The following UMAD1 variants were observed in gnomAD, a reference collection of about 807,000 sequenced individuals.
UMAD1 encodes the protein UBAP1-MVB12-associated (UMA) domain containing 1, also known as UBAP1-MVB12-associated (UMA)-domain containing protein 1.
In UMAD1, 8 loss-of-function variants were observed where a neutral mutation model predicts 6.1. That is an observed-to-expected ratio of 1.30 (90% CI 0.76 to 2.35). UMAD1 has a LOEUF of 2.35. UMAD1 is among the 30% of genes most tolerant of loss of function. The probability of loss-of-function intolerance (pLI) is 0.00; values close to 1 mark genes in which losing one functional copy is unlikely to be tolerated. For synonymous variants in UMAD1, 56 were observed against 31.4 expected (o/e 1.78, Z -2.61); for missense variants, 130 against 78.4 (o/e 1.66, Z -2.49).
intron 2 of UMAD1, among the ~76,000 whole-genome samples, chr7:7,798,757 G>T (rs1782738174): frequency 6.6e-6 from 1 of 152,130 alleles, no homozygotes; most frequent in Admixed American, 6.5e-5. Context: ...TCAAGAGACT[G>T]GGTTCTGCTC....
chr7:7,746,916 T>C (rs190869944), intron 2 of UMAD1, among the ~76,000 whole-genome samples: 15 of 152,160 alleles, frequency 9.9e-5, no homozygotes, highest in Non-Finnish European at 1.3e-4. Context: ...TAAGAGATTT[T>C]AAAAAAATGT....
chr7:7,829,258 G>A (rs1783413574), intron 3 of UMAD1, among the ~76,000 whole-genome samples: 1 of 151,952 alleles, frequency 6.6e-6, no homozygotes, highest in Non-Finnish European at 1.5e-5. Context: ...TGAATGAGCA[G>A]CAGCAATCAC....
intron 3 of UMAD1, among the ~76,000 whole-genome samples, chr7:7,803,500 T>C (rs1194112248): frequency 6.6e-6 from 1 of 152,220 alleles, no homozygotes. Context: ...GTTTGGGATT[T>C]GGGAGATAAC....
At chr7:7,803,394 G>C (rs1782840494) in intron 3 of UMAD1, among the ~76,000 whole-genome samples, 1 of 152,190 alleles carries the variant, frequency 6.6e-6, no homozygotes, top group African/African-American at 2.4e-5. Context: ...AGAATTGCTT[G>C]AGCCCGGGAA....
chr7:7,674,344 A>G (rs1779686113), intron 2 of UMAD1, among the ~76,000 whole-genome samples: 1 of 152,152 alleles, frequency 6.6e-6, no homozygotes, highest in Admixed American at 6.5e-5. Flanking sequence ...AATGCTCTGT[A>G]GGCTTTGAGA....
At position 7,826,073 on chromosome 7, in the gene UMAD1, T is replaced by G. The variant is rs550887717; in HGVS notation, c.156+24330T>G. 2.0e-5 allele frequency among the ~76,000 whole-genome samples: 3 copies of G among 152,294 alleles called. No homozygotes were observed. The South Asian group carries it at 6.2e-4, about 32-fold the overall frequency. ...TTGTATTGGTTTTTTTCTAATAATTTTGATCAGTAGTTGGTTGAATCCATG... is the reference window on the plus strand; with the variant it reads ...TTGTATTGGTTTTTTTCTAATAATTGTGATCAGTAGTTGGTTGAATCCATG... On this transcript the variant is annotated intron_variant, in intron 3 of 3. Coordinates refer to ENST00000682710, the MANE Select transcript of UMAD1 (RefSeq NM_001302348.2).
intron 2 of UMAD1, among the ~76,000 whole-genome samples, chr7:7,761,466 G>C (rs1203912564): frequency 6.6e-6 from 1 of 151,960 alleles, no homozygotes; most frequent in Non-Finnish European, 1.5e-5. Context: ...CCATCTGCTG[G>C]AAAATTATTA....
At chr7:7,759,010 T>A (rs1257307773) in intron 2 of UMAD1, among the ~76,000 whole-genome samples, 1 of 152,240 alleles carries the variant, frequency 6.6e-6, no homozygotes, top group Non-Finnish European at 1.5e-5. Flanking sequence ...TTTTTCATCA[T>A]AAGATTGAAC....
chr7:7,856,268 G>A (rs115413060), intron 3 of UMAD1, among the ~76,000 whole-genome samples: 52 of 152,298 alleles, frequency 3.4e-4, no homozygotes, highest in African/African-American at 1.1e-3. Flanking sequence ...CCGAGACTGC[G>A]TAATTAATAA....
intron 2 of UMAD1, among the ~76,000 whole-genome samples, chr7:7,793,649 C>G (rs1782613499): frequency 6.6e-6 from 1 of 152,150 alleles, no homozygotes; most frequent in Admixed American, 6.5e-5. Context: ...CAGTCACATA[C>G]TGCTAGTCTG....
intron 1 of UMAD1, among the ~76,000 whole-genome samples, chr7:7,668,816 A>G (rs941552818): frequency 6.6e-6 from 1 of 152,242 alleles, no homozygotes; most frequent in African/African-American, 2.4e-5. Flanking sequence ...GTTAAGTGCT[A>G]CAGCTGGCCA....
intron 2 of UMAD1, among the ~76,000 whole-genome samples, chr7:7,761,618 G>T (rs1781892298): frequency 6.6e-6 from 1 of 152,190 alleles, no homozygotes; most frequent in East Asian, 1.9e-4. Context: ...AGTTTGGATG[G>T]TAGGGAGGTT....
At chr7:7,819,158 T>G (rs1783193733) in intron 3 of UMAD1, among the ~76,000 whole-genome samples, 1 of 152,168 alleles carries the variant, frequency 6.6e-6, no homozygotes, top group Admixed American at 6.5e-5. Flanking sequence ...CCCTCTCCTC[T>G]TATTTTTAAG....
At chr7:7,647,799 C>A (rs1456939720) in intron 1 of UMAD1, among the ~76,000 whole-genome samples, 1 of 151,234 alleles carries the variant, frequency 6.6e-6, no homozygotes, top group Middle Eastern at 3.2e-3. Context: ...GAGACGGGTT[C>A]TTTCTTTGTT....
chr7:7,694,504 A>G (rs1780259723), intron 2 of UMAD1, among the ~76,000 whole-genome samples: 1 of 152,050 alleles, frequency 6.6e-6, no homozygotes, highest in Non-Finnish European at 1.5e-5. Flanking sequence ...TTTTGTACCC[A>G]TTAACCATCT....
At chr7:7,642,574 A>G (rs1232644926) in intron 1 of UMAD1, among the ~76,000 whole-genome samples, 1 of 152,042 alleles carries the variant, frequency 6.6e-6, no homozygotes, top group Non-Finnish European at 1.5e-5. Flanking sequence ...CTTTTAAAAC[A>G]GGGAGATGAG....
intron 2 of UMAD1, among the ~76,000 whole-genome samples, chr7:7,743,577 T>C (rs904175766): frequency 2.0e-5 from 3 of 152,064 alleles, no homozygotes; most frequent in African/African-American, 7.2e-5. Context: ...TTTGGACTTA[T>C]AACACGTTTT....
At chr7:7,687,267 A>G (rs534110627) in intron 2 of UMAD1, 1 of 152,212 alleles carries the variant, frequency 6.6e-6, no homozygotes. Context: ...AATGTTAATG[A>G]TATCATGGTG....
chr7:7,698,326 T>C (rs1195102516), intron 2 of UMAD1, among the ~76,000 whole-genome samples: 1 of 152,208 alleles, frequency 6.6e-6, no homozygotes, highest in Non-Finnish European at 1.5e-5. Context: ...TAGTGCTTTT[T>C]AAAATAAGGT....
Sources: gnomAD v4.1 joint callset for allele counts (sites outside exome capture counted in the v4.1 genomes callset) on GRCh38, gnomAD v4.1.1 for gene constraint, MANE v1.5 for transcripts, NCBI Gene and HGNC (gene_info 2026-07-23, HGNC 2026-07-21) for gene names.